EIF4EBP1: variants seen among roughly 807,000 people sequenced by gnomAD.
The protein encoded by EIF4EBP1 is eukaryotic translation initiation factor 4E-binding protein 1.
A neutral mutation model predicts 9.2 loss-of-function variants in EIF4EBP1; 5 were observed. That is an observed-to-expected ratio of 0.54 (90% confidence interval 0.28 to 1.14). The LOEUF is 1.14. Among genes scored for constraint, EIF4EBP1 ranks in the 50% most tolerant of loss-of-function variants. The pLI, the probability that EIF4EBP1 is intolerant of heterozygous loss-of-function variation, is 0.09. For synonymous variants in EIF4EBP1, 62 were observed against 67.0 expected (o/e 0.93, Z 0.36); for missense variants, 139 against 169.6 (o/e 0.82, Z 1.00).
chr8:38,039,920 T>G (rs2130383916), intron 1 of EIF4EBP1, among the ~76,000 whole-genome samples: 1 of 152,236 alleles, frequency 6.6e-6, no homozygotes. Flanking sequence ...TGGCCCAGGC[T>G]GGAGTGTCTA....
At position 38,043,070 on chromosome 8, in the gene EIF4EBP1, C is replaced by G. The variant is rs76272628; in HGVS notation, c.145+12352C>G. Among the ~76,000 whole-genome samples the G allele has an allele frequency of 4.1e-3, 630 of 152,154 alleles. 6 individuals carry two copies. The highest frequency in any genetic ancestry group is 0.014 in the African/African-American group (593 of 41,514). ...TGACAGAGTGAGACCCCATCTCACA[C>G]ACACGAAAAAAAGTTTTTGGGAGAG... On this transcript the variant is annotated intron_variant, in intron 1 of 2. Coordinates refer to ENST00000338825, the MANE Select transcript of EIF4EBP1 (RefSeq NM_004095.4).
chr8:38,039,141 C>A (rs1809342556), intron 1 of EIF4EBP1, among the ~76,000 whole-genome samples: 1 of 152,084 alleles, frequency 6.6e-6, no homozygotes, highest in Admixed American at 6.6e-5. Context: ...ATCCGCCCAC[C>A]TCGTCCTCCC....
chr8:38,049,586 A>G (rs1220370405), intron 1 of EIF4EBP1, among the ~76,000 whole-genome samples: 2 of 150,838 alleles, frequency 1.3e-5, no homozygotes, highest in East Asian at 2.0e-4. Context: ...GGTTTAAGCA[A>G]TCCTCCTGCC....
intron 1 of EIF4EBP1, among the ~76,000 whole-genome samples, chr8:38,050,451 G>A (rs963139427): frequency 6.6e-6 from 1 of 151,870 alleles, no homozygotes; most frequent in African/African-American, 2.4e-5. Flanking sequence ...CTGGGCTCTG[G>A]TGATCCTCCC....
chr8:38,048,213 C>T (rs148194748), intron 1 of EIF4EBP1, among the ~76,000 whole-genome samples: 498 of 151,622 alleles, frequency 3.3e-3, no homozygotes, highest in Non-Finnish European at 5.2e-3. Context: ...TCCAAGGTTG[C>T]AGTGAGCCAT....
In EIF4EBP1 at chr8:38,057,276, T is replaced by A; in HGVS notation, c.325+16T>A. On this transcript the variant is annotated intron_variant, in intron 2 of 2. Coordinates refer to ENST00000338825, the MANE Select transcript of EIF4EBP1 (RefSeq NM_004095.4). The stretch of plus-strand genomic sequence containing the variant: ...CGGGCGGGCGGTGAGTGTCGGGGCT[T>A]GGCCAGGCTCTACCTTGGGAAAGGG... 6.3e-7 allele frequency: 1 copy of A among 1,589,154 alleles called. No homozygotes were observed. The highest frequency in any genetic ancestry group is 8.6e-7 in the Non-Finnish European group (1 of 1,166,530).
At chr8:38,033,067 T>C (rs1009316214) in intron 1 of EIF4EBP1, among the ~76,000 whole-genome samples, 1 of 147,556 alleles carries the variant, frequency 6.8e-6, no homozygotes, top group Admixed American at 6.7e-5. Context: ...TCTTTCTTTT[T>C]TTTTTTTTTT....
At chr8:38,031,758 T>C (rs139574263) in intron 1 of EIF4EBP1, among the ~76,000 whole-genome samples, 3 of 152,252 alleles carry the variant, frequency 2.0e-5, no homozygotes, top group Admixed American at 1.3e-4. Flanking sequence ...ATCCAAAACA[T>C]ACACTGTTAG....
At chr8:38,055,581 T>G (rs1809583475) in intron 1 of EIF4EBP1, among the ~76,000 whole-genome samples, 1 of 151,366 alleles carries the variant, frequency 6.6e-6, no homozygotes, top group African/African-American at 2.4e-5. Flanking sequence ...GAATTTAATT[T>G]ACATTATTTT....
chr8:38,057,230 C>G lies in EIF4EBP1; in HGVS notation c.295C>G (p.Arg99Gly). 1 of 1,505,682 alleles carries G rather than the reference C, an allele frequency of 6.6e-7. No individual in the cohort carries two copies. 93.3% of individuals were successfully genotyped at this position (1,505,682 alleles called of 1,614,324 possible). The stretch of plus-strand genomic sequence containing the variant: ...CATGGAAGCCAGCCAGAGCCACCTG[C>G]GCAATAGCCCAGAAGATAAGCGGGC... ...PPMEASQSHL[R>G]NSPEDKRAGG... Residue 99 changes from arginine (R) to glycine (G), a missense_variant, in exon 2 of 3, where the codon CGC (arginine) becomes GGC (glycine). Coordinates refer to ENST00000338825, the MANE Select transcript of EIF4EBP1 (RefSeq NM_004095.4).
intron 1 of EIF4EBP1, among the ~76,000 whole-genome samples, chr8:38,051,785 C>T (rs920488158): frequency 2.0e-5 from 3 of 151,956 alleles, no homozygotes; most frequent in Admixed American, 6.6e-5. Flanking sequence ...TTAATAGAGG[C>T]GGGATTTCGC....
intron 1 of EIF4EBP1, among the ~76,000 whole-genome samples, chr8:38,056,542 C>T (rs753286252): frequency 1.3e-5 from 2 of 152,094 alleles, no homozygotes; most frequent in Non-Finnish European, 2.9e-5. Flanking sequence ...GACACAGGTG[C>T]AGTTGGTGGC....
chr8:38,059,005 G>A (rs1809633986), intron 2 of EIF4EBP1, among the ~76,000 whole-genome samples: 1 of 152,166 alleles, frequency 6.6e-6, no homozygotes, highest in African/African-American at 2.4e-5. Flanking sequence ...GATCATTTGA[G>A]CCCAGGAGGT....
chr8:38,041,485 C>T (rs1427269951), intron 1 of EIF4EBP1, among the ~76,000 whole-genome samples: 3 of 152,192 alleles, frequency 2.0e-5, no homozygotes, highest in Admixed American at 6.5e-5. Context: ...TTCGAATAAT[C>T]CTCCACAAGG....
At position 38,060,049 on chromosome 8, in the gene EIF4EBP1, G is replaced by T; in HGVS notation, c.*114G>T. Reference sequence around the variant, plus strand: ...CATACTGGGCAGGCGTTGGCGTGGGGTCGGACACCCCAGCCCTTTCTCCCT... The same window carrying T: ...CATACTGGGCAGGCGTTGGCGTGGGTTCGGACACCCCAGCCCTTTCTCCCT... On this transcript the variant is annotated 3_prime_UTR_variant, in exon 3 of 3. Transcript: ENST00000338825. 1 of 1,084,820 alleles carries T rather than the reference G, an allele frequency of 9.2e-7. No homozygotes were observed. Among genetic ancestry groups the T allele is most frequent in the Non-Finnish European group, 1.4e-6 (1 of 703,148 alleles). 67.2% of individuals were successfully genotyped at this position (1,084,820 alleles called of 1,614,324 possible). A position where few individuals can be genotyped will look rare whatever the true frequency, so the allele number is the denominator to read the frequency against.
At chr8:38,040,333 G>T (rs1809359969) in intron 1 of EIF4EBP1, among the ~76,000 whole-genome samples, 1 of 152,138 alleles carries the variant, frequency 6.6e-6, no homozygotes, top group African/African-American at 2.4e-5. Context: ...CACAGCAAAG[G>T]GCTCCATGTA....
intron 1 of EIF4EBP1, among the ~76,000 whole-genome samples, chr8:38,041,383 A>G (rs540315208): frequency 6.6e-6 from 1 of 152,312 alleles, no homozygotes; most frequent in Admixed American, 6.5e-5. Context: ...GATTACAGGC[A>G]TGATCCACCA....
intron 1 of EIF4EBP1, among the ~76,000 whole-genome samples, chr8:38,033,319 C>T (rs1441065919): frequency 2.6e-5 from 4 of 151,908 alleles, no homozygotes; most frequent in South Asian, 2.1e-4. Flanking sequence ...CTGCCTGCCT[C>T]GGCCTTCCAG....
At chr8:38,049,041 C>T (rs1450606711) in intron 1 of EIF4EBP1, among the ~76,000 whole-genome samples, 1 of 150,618 alleles carries the variant, frequency 6.6e-6, no homozygotes, top group Non-Finnish European at 1.5e-5. Context: ...AGGAGAATTG[C>T]TTGAATCTGG....
Sources: allele counts gnomAD v4.1 joint callset (sites outside exome capture counted in the v4.1 genomes callset), GRCh38; gene constraint gnomAD v4.1.1; transcripts MANE v1.5; gene names NCBI Gene and HGNC (gene_info 2026-07-23, HGNC 2026-07-21).